XPR1: variants seen among roughly 807,000 people sequenced by gnomAD.
XPR1 encodes the protein xenotropic and polytropic retrovirus receptor 1.
Under a neutral mutation model 87.5 loss-of-function variants are expected in XPR1, and 28 were observed. The ratio of observed to expected loss-of-function variants is 0.32; its 90% CI spans 0.24 to 0.44. XPR1 has a LOEUF of 0.44. XPR1 is among the 20% of genes least tolerant of loss of function. XPR1 has a pLI of 1.00. For synonymous variants in XPR1, 300 were observed against 306.1 expected, an observed-to-expected ratio of 0.98 and a Z score of 0.21; for missense variants, 559 against 862.3, an observed-to-expected ratio of 0.65 and a Z score of 4.41.
At chr1:180,640,777 G>T (rs1007673533) in intron 1 of XPR1, among the ~76,000 whole-genome samples, 4 of 152,200 alleles carry the variant, frequency 2.6e-5, no homozygotes, top group Non-Finnish European at 5.9e-5. Flanking sequence ...GAAGAAAAAG[G>T]TAAGGAGATA....
chr1:180,686,400 C>T (rs2101950600), intron 2 of XPR1, among the ~76,000 whole-genome samples: 1 of 152,288 alleles, frequency 6.6e-6, no homozygotes, highest in Non-Finnish European at 1.5e-5. Flanking sequence ...GAGTGCTTTA[C>T]TTCCAACTAT....
intron 2 of XPR1, among the ~76,000 whole-genome samples, chr1:180,775,130 C>T (rs1036010708): frequency 3.9e-5 from 6 of 152,318 alleles, no homozygotes; most frequent in Non-Finnish European, 7.4e-5. Flanking sequence ...TTTGGGGGGA[C>T]ACATTCAAAC....
At chr1:180,767,089 T>G (rs1226293376) in intron 2 of XPR1, among the ~76,000 whole-genome samples, 1 of 152,182 alleles carries the variant, frequency 6.6e-6, no homozygotes, top group East Asian at 1.9e-4. Flanking sequence ...ACCAAGTTCT[T>G]GTTAGAGCCT....
chr1:180,696,204 GTGTGTATATA>G (rs1180913049), intron 2 of XPR1, among the ~76,000 whole-genome samples: 47 of 102,436 alleles, frequency 4.6e-4, no homozygotes, highest in African/African-American at 1.6e-3. Flanking sequence ...GTGTGTGTGT[GTGTGTATATA>G]TATATATATA....
chr1:180,842,821 A>G (rs1651561572), intron 11 of XPR1, among the ~76,000 whole-genome samples: 2 of 152,172 alleles, frequency 1.3e-5, no homozygotes, highest in Non-Finnish European at 2.9e-5. Flanking sequence ...ATATTTGTAA[A>G]TTTTTAGTGA....
At chr1:180,660,144 T>G (rs1342200836) in intron 1 of XPR1, among the ~76,000 whole-genome samples, 1 of 152,178 alleles carries the variant, frequency 6.6e-6, no homozygotes, top group Non-Finnish European at 1.5e-5. Context: ...ATTTTCCATC[T>G]TACTGGCATA....
At chr1:180,811,264 T>C (rs1650202274) in intron 6 of XPR1, 143 bp from the exon 7 acceptor site, 6 of 691,832 alleles carry the variant, frequency 8.7e-6, no homozygotes, top group Non-Finnish European at 1.4e-5. Context: ...GTTGATTCTC[T>C]GGTTCAGATT....
chr1:180,680,675 T>C (rs1656547329), intron 1 of XPR1, among the ~76,000 whole-genome samples: 1 of 152,128 alleles, frequency 6.6e-6, no homozygotes, highest in South Asian at 2.1e-4. Flanking sequence ...ATAGAACTAT[T>C]AATAAGATAT....
chr1:180,787,986 T>C, intron 3 of XPR1, 132 bp downstream of exon 3: 1 of 673,826 alleles, frequency 1.5e-6, no homozygotes, highest in Non-Finnish European at 2.6e-6. Flanking sequence ...AAGAGGATTT[T>C]CTTGAGCTGG....
intron 11 of XPR1, among the ~76,000 whole-genome samples, chr1:180,862,128 C>T (rs1352406662): frequency 1.3e-5 from 2 of 152,086 alleles, no homozygotes; most frequent in Non-Finnish European, 2.9e-5. Context: ...ATTGGCCTCT[C>T]ATAAGCTGAT....
chr1:180,718,818 A>C (rs568464948), intron 2 of XPR1, among the ~76,000 whole-genome samples: 1 of 151,934 alleles, frequency 6.6e-6, no homozygotes, highest in Non-Finnish European at 1.5e-5. Context: ...ACAGGTGCCC[A>C]CCACCACAGC....
chr1:180,640,996 C>G (rs1401884239), intron 1 of XPR1, among the ~76,000 whole-genome samples: 2 of 152,160 alleles, frequency 1.3e-5, no homozygotes, highest in Admixed American at 1.3e-4. Context: ...TGAGTTAACA[C>G]AATCACCCTG....
At chr1:180,652,891 G>T (rs1655342232) in intron 1 of XPR1, among the ~76,000 whole-genome samples, 1 of 152,170 alleles carries the variant, frequency 6.6e-6, no homozygotes, top group Non-Finnish European at 1.5e-5. Flanking sequence ...GGTAATTCTG[G>T]CTCAGTATTT....
chr1:180,867,164 A>G (rs1272861870), intron 12 of XPR1, among the ~76,000 whole-genome samples: 1 of 44,090 alleles, frequency 2.3e-5, no homozygotes, highest in Non-Finnish European at 4.2e-5. Flanking sequence ...ATGGCTGCAT[A>G]GTATTCCATG....
intron 2 of XPR1, among the ~76,000 whole-genome samples, chr1:180,684,917 C>T (rs1656711888): frequency 6.6e-6 from 1 of 152,150 alleles, no homozygotes; most frequent in African/African-American, 2.4e-5. Context: ...GATATACAAT[C>T]ATGTCATCTG....
chr1:180,643,314 C>T (rs554320895), intron 1 of XPR1, among the ~76,000 whole-genome samples: 1 of 152,038 alleles, frequency 6.6e-6, no homozygotes, highest in Non-Finnish European at 1.5e-5. Flanking sequence ...CATCTGAAAT[C>T]AGGGTATGTC....
Position 180,886,307 on chromosome 1 carries a change from A to C in XPR1, c.*2241A>C, listed in dbSNP as rs1212950426. 2 of 152,230 alleles carry C rather than the reference A, an allele frequency of 1.3e-5. No homozygotes were observed. Among genetic ancestry groups the C allele is most frequent in the Non-Finnish European group, 2.9e-5 (2 of 68,034 alleles). 9.4% of individuals were successfully genotyped at this position (152,230 alleles called of 1,614,324 possible). A position where few individuals can be genotyped will look rare whatever the true frequency, so the allele number is the denominator to read the frequency against. Reference sequence around the variant, plus strand: ...AATTGAAAAGTCCAGTGGACCAGGCATTTCTTATATAAATAAAATTGGTGG... The same window carrying C: ...AATTGAAAAGTCCAGTGGACCAGGCCTTTCTTATATAAATAAAATTGGTGG... On this transcript the variant is annotated 3_prime_UTR_variant, in exon 15 of 15. Coordinates refer to ENST00000367590, the MANE Select transcript of XPR1 (RefSeq NM_004736.4).
intron 3 of XPR1, among the ~76,000 whole-genome samples, chr1:180,801,853 T>C (rs1456390493): frequency 6.6e-6 from 1 of 151,244 alleles, no homozygotes; most frequent in Non-Finnish European, 1.5e-5. Flanking sequence ...CAATCTCGGC[T>C]CACTGCAGCC....
intron 1 of XPR1, among the ~76,000 whole-genome samples, chr1:180,641,464 AACCTTTTTGT>A (rs1654958710): frequency 6.6e-6 from 1 of 152,118 alleles, no homozygotes. Context: ...AATCACTCTT[AACCTTTTTGT>A]ACAGAGTAAG....
Sources: allele counts gnomAD v4.1 joint callset (sites outside exome capture counted in the v4.1 genomes callset), GRCh38; gene constraint gnomAD v4.1.1; transcripts MANE v1.5; gene names NCBI Gene and HGNC (gene_info 2026-07-23, HGNC 2026-07-21).